Variants in HCN1 observed in about 807,000 individuals in gnomAD.
HCN1 encodes hyperpolarization activated cyclic nucleotide gated potassium channel 1, also known as potassium/sodium hyperpolarization-activated cyclic nucleotide-gated channel 1.
Under a neutral mutation model 78.9 loss-of-function variants are expected in HCN1, and 13 were observed. The observed-to-expected ratio is 0.16, with a 90% confidence interval of 0.11 to 0.26. The LOEUF (loss-of-function observed/expected upper bound fraction) is 0.26, where lower values mean the gene tolerates loss of function less well. HCN1 is among the 10% of genes least tolerant of loss of function. HCN1 has a pLI of 1.00. For synonymous variants in HCN1, 552 were observed against 455.5 expected, an observed-to-expected ratio of 1.21 and a Z score of -2.70; for missense variants, 810 against 1,154.3, an observed-to-expected ratio of 0.70 and a Z score of 4.32.
In HCN1 at chr5:45,344,612, C is replaced by A. The variant is rs150309526; in HGVS notation, c.1377+8488G>T. Among the ~76,000 whole-genome samples the A allele has an allele frequency of 7.6e-3, 1,162 of 152,210 alleles. 10 individuals carry two copies. Among genetic ancestry groups the A allele is most frequent in the Admixed American group, 0.012 (190 of 15,292 alleles). On this transcript the variant is annotated intron_variant, in intron 5 of 7. Transcript: ENST00000303230. Reference sequence around the variant, plus strand: ...ATTGGCCAAAATGAAGAGGTAAAGGCCTCATGCAAATCCAAAATAAGCAGG... The same window carrying A: ...ATTGGCCAAAATGAAGAGGTAAAGGACTCATGCAAATCCAAAATAAGCAGG...
intron 2 of HCN1, among the ~76,000 whole-genome samples, chr5:45,553,743 C>A (rs1410364403): frequency 6.6e-6 from 1 of 151,848 alleles, no homozygotes; most frequent in Non-Finnish European, 1.5e-5. Context: ...TACCTAATAC[C>A]ACCTAAATGC....
chr5:45,299,356 GAAGT>G (rs1410951108), intron 6 of HCN1, among the ~76,000 whole-genome samples: 5 of 151,828 alleles, frequency 3.3e-5, no homozygotes, highest in Non-Finnish European at 5.9e-5. Flanking sequence ...TAATAAAAAG[GAAGT>G]AAAAGTTTAA....
intron 2 of HCN1, among the ~76,000 whole-genome samples, chr5:45,522,155 T>C (rs565105056): frequency 6.8e-4 from 104 of 152,020 alleles, no homozygotes; most frequent in Non-Finnish European, 1.3e-3. Flanking sequence ...AGAAATTTAC[T>C]TTCTTAACAG....
At chr5:45,404,724 A>G (rs1739887529) in intron 3 of HCN1, among the ~76,000 whole-genome samples, 1 of 142,446 alleles carries the variant, frequency 7.0e-6, no homozygotes, top group South Asian at 2.2e-4. Context: ...AAAAAAAAGG[A>G]AAAAGAAAGA....
At chr5:45,297,568 T>G (rs547749412) in intron 6 of HCN1, among the ~76,000 whole-genome samples, 1 of 152,156 alleles carries the variant, frequency 6.6e-6, no homozygotes, top group African/African-American at 2.4e-5. Flanking sequence ...CTCCACCATC[T>G]TTTCCAGAAA....
intron 3 of HCN1, among the ~76,000 whole-genome samples, chr5:45,399,439 C>T (rs1331257052): frequency 6.6e-6 from 1 of 152,192 alleles, no homozygotes; most frequent in African/African-American, 2.4e-5. Flanking sequence ...TTCAAGATGG[C>T]AGGAGCAGAA....
At chr5:45,570,485 AAAGCAATAATT>A (rs915225234) in intron 2 of HCN1, among the ~76,000 whole-genome samples, 10 of 152,170 alleles carry the variant, frequency 6.6e-5, no homozygotes, top group African/African-American at 2.4e-4. Context: ...AAACTTCAGC[AAAGCAATAATT>A]AAGACACTGA....
At chr5:45,573,798 T>G (rs1743882731) in intron 2 of HCN1, among the ~76,000 whole-genome samples, 1 of 152,130 alleles carries the variant, frequency 6.6e-6, no homozygotes, top group Admixed American at 6.6e-5. Context: ...TTAAAATGAT[T>G]AAGAGAGGTT....
intron 2 of HCN1, among the ~76,000 whole-genome samples, chr5:45,552,106 A>T (rs988702594): frequency 4.6e-5 from 7 of 152,042 alleles, no homozygotes; most frequent in African/African-American, 7.2e-5. Flanking sequence ...ACACAAGCAG[A>T]TTCATCCTCA....
At chr5:45,289,973 C>T (rs998756789) in intron 6 of HCN1, among the ~76,000 whole-genome samples, 3 of 151,772 alleles carry the variant, frequency 2.0e-5, no homozygotes, top group African/African-American at 7.3e-5. Flanking sequence ...TGGCTGTGTC[C>T]CCACCCAAAT....
At position 45,695,914 on chromosome 5, in the gene HCN1, C is replaced by A; in HGVS notation, c.180G>T (p.Lys60Asn). 2.0e-6 allele frequency: 3 copies of A among 1,502,772 alleles called. No individual in the cohort carries two copies. Among genetic ancestry groups the A allele is most frequent in the Non-Finnish European group, 1.8e-6 (2 of 1,133,574 alleles). The allele number at this position is 1,502,772 out of a possible 1,614,324, so 93.1% of individuals were successfully genotyped here. Reference sequence around the variant, plus strand: ...CGCCACCGCCGCCACCGCCGTCCACCTTGAAGCACACGGAGTTGCCGTGCT... The same window carrying A: ...CGCCACCGCCGCCACCGCCGTCCACATTGAAGCACACGGAGTTGCCGTGCT... ...AKEHGNSVCFKVDGGGGGGGG... is the reference protein window; with the variant it reads ...AKEHGNSVCFNVDGGGGGGGG... The change falls in exon 1 of 8, where the codon AAG (lysine) becomes AAT (asparagine). Residue 60 changes from lysine (K) to asparagine (N), a missense_variant. This residue lies in a region of HCN1 where 170 missense variants were observed against 166.8 expected (regional missense o/e 1.02). Coordinates refer to ENST00000303230, the MANE Select transcript of HCN1 (RefSeq NM_021072.4).
At chr5:45,676,433 AT>A (rs536204757) in intron 1 of HCN1, among the ~76,000 whole-genome samples, 13 of 151,876 alleles carry the variant, frequency 8.6e-5, no homozygotes, top group South Asian at 2.1e-4. Flanking sequence ...CTATTAAAAT[AT>A]TTTTTATTTG....
chr5:45,628,316 G>A (rs1745206923), intron 2 of HCN1, among the ~76,000 whole-genome samples: 1 of 152,076 alleles, frequency 6.6e-6, no homozygotes, highest in Non-Finnish European at 1.5e-5. Context: ...CCTGAATAAT[G>A]CAGGCCCTGG....
chr5:45,311,278 C>A (rs574043535), intron 5 of HCN1, among the ~76,000 whole-genome samples: 1 of 152,126 alleles, frequency 6.6e-6, no homozygotes, highest in African/African-American at 2.4e-5. Flanking sequence ...GAAATTCTCT[C>A]TCCAAGGAAT....
chr5:45,601,121 G>A (rs1040281172), intron 2 of HCN1, among the ~76,000 whole-genome samples: 1 of 152,146 alleles, frequency 6.6e-6, no homozygotes, highest in Admixed American at 6.6e-5. Context: ...CTGCAAATTA[G>A]AGGACAGGTG....
At chr5:45,473,606 A>G (rs1346866254) in intron 2 of HCN1, among the ~76,000 whole-genome samples, 1 of 150,408 alleles carries the variant, frequency 6.6e-6, no homozygotes, top group Non-Finnish European at 1.5e-5. Flanking sequence ...ATAATCAGTG[A>G]CATTGCTTCA....
chr5:45,309,485 T>C (rs1453245687), intron 5 of HCN1, among the ~76,000 whole-genome samples: 1 of 152,182 alleles, frequency 6.6e-6, no homozygotes, highest in African/African-American at 2.4e-5. Context: ...CTATTCAGTA[T>C]GATGTTAGCC....
chr5:45,429,607 G>A (rs984335667), intron 3 of HCN1, among the ~76,000 whole-genome samples: 1 of 152,128 alleles, frequency 6.6e-6, no homozygotes, highest in African/African-American at 2.4e-5. Context: ...AGAAAATAGA[G>A]GGAATAAACT....
At chr5:45,407,416 AT>A (rs1470239596) in intron 3 of HCN1, among the ~76,000 whole-genome samples, 1 of 152,168 alleles carries the variant, frequency 6.6e-6, no homozygotes, top group East Asian at 1.9e-4. Flanking sequence ...TGTATTTAGT[AT>A]ACTACCTTTT....
Sources: gnomAD v4.1 joint callset for allele counts (sites outside exome capture counted in the v4.1 genomes callset) on GRCh38, gnomAD v4.1.1 for gene constraint, gnomAD v4.1.1 regional missense constraint, MANE v1.5 for transcripts, NCBI Gene and HGNC (gene_info 2026-07-23, HGNC 2026-07-21) for gene names.